Variants in TIAM1 observed in about 807,000 individuals in gnomAD.
The protein encoded by TIAM1 is rho guanine nucleotide exchange factor TIAM1.
TIAM1 carries 65 observed loss-of-function variants against 163.5 expected under a neutral mutation model. That is an observed-to-expected ratio of 0.40 (90% confidence interval 0.33 to 0.49). TIAM1 has a LOEUF of 0.49. TIAM1 is among the 20% of genes least tolerant of loss of function. The pLI, the probability that TIAM1 is intolerant of heterozygous loss-of-function variation, is 0.77. For missense variants in TIAM1, 1,789 were observed against 2,044.7 expected, an observed-to-expected ratio of 0.87 and a Z score of 2.41; for synonymous variants, 833 against 810.1, an observed-to-expected ratio of 1.03 and a Z score of -0.48.
chr21:31,478,438 G>T (rs1602379517), intron 1 of TIAM1, among the ~76,000 whole-genome samples: 1 of 152,108 alleles, frequency 6.6e-6, no homozygotes, highest in Admixed American at 6.6e-5. Context: ...ACTCCCCAGA[G>T]GTAACTGCCA....
At chr21:31,360,141 G>A (rs1300369383) in intron 2 of TIAM1, among the ~76,000 whole-genome samples, 2 of 152,158 alleles carry the variant, frequency 1.3e-5, no homozygotes, top group Non-Finnish European at 2.9e-5. Context: ...TAGGCAGAGA[G>A]CCGACTTCTC....
intron 16 of TIAM1, among the ~76,000 whole-genome samples, chr21:31,156,824 G>A (rs950896463): frequency 1.3e-5 from 2 of 152,116 alleles, no homozygotes; most frequent in Non-Finnish European, 1.5e-5. Context: ...ACTCTCCTTG[G>A]TTGCTTTGAT....
chr21:31,546,039 T>C (rs1320245532), intron 1 of TIAM1, among the ~76,000 whole-genome samples: 4 of 151,192 alleles, frequency 2.6e-5, no homozygotes, highest in African/African-American at 9.8e-5. Context: ...GTTGCTTTTA[T>C]ACAGGAAGAG....
At chr21:31,510,963 C>T (rs1317843566) in intron 1 of TIAM1, among the ~76,000 whole-genome samples, 1 of 152,178 alleles carries the variant, frequency 6.6e-6, no homozygotes, top group East Asian at 1.9e-4. Context: ...CAAAGATACA[C>T]ACAGTGAAGG....
intron 2 of TIAM1, among the ~76,000 whole-genome samples, chr21:31,402,985 T>C (rs2077190855): frequency 6.6e-6 from 1 of 152,080 alleles, no homozygotes; most frequent in Non-Finnish European, 1.5e-5. Context: ...TGTATCTTCC[T>C]GTACGTCTCC....
intron 1 of TIAM1, among the ~76,000 whole-genome samples, chr21:31,499,906 G>A (rs1432813036): frequency 6.0e-5 from 9 of 151,006 alleles, no homozygotes; most frequent in African/African-American, 7.3e-5. Context: ...AGTGGCTCAC[G>A]CCTGTAATCC....
intron 13 of TIAM1, among the ~76,000 whole-genome samples, chr21:31,191,929 T>G (rs960054487): frequency 6.6e-6 from 1 of 152,210 alleles, no homozygotes; most frequent in African/African-American, 2.4e-5. Flanking sequence ...AGTTTATCCT[T>G]ACTCAACAAA....
chr21:31,549,388 A>G (rs1038396905), intron 1 of TIAM1, among the ~76,000 whole-genome samples: 1 of 152,238 alleles, frequency 6.6e-6, no homozygotes, highest in Non-Finnish European at 1.5e-5. Context: ...ATGACAACGC[A>G]CAGAATGGAG....
intron 2 of TIAM1, among the ~76,000 whole-genome samples, chr21:31,316,846 T>C: frequency 6.6e-6 from 1 of 152,120 alleles, no homozygotes; most frequent in East Asian, 1.9e-4. Flanking sequence ...TGGACCACCG[T>C]GGATCGTGAG....
At chr21:31,390,456 T>C (rs968203475) in intron 2 of TIAM1, among the ~76,000 whole-genome samples, 4 of 152,202 alleles carry the variant, frequency 2.6e-5, no homozygotes, top group Non-Finnish European at 4.4e-5. Flanking sequence ...TTTTCCTATG[T>C]ATTGAAATTA....
At chr21:31,226,921 T>C (rs2088012358) in intron 6 of TIAM1, among the ~76,000 whole-genome samples, 1 of 151,738 alleles carries the variant, frequency 6.6e-6, no homozygotes, top group Non-Finnish European at 1.5e-5. Context: ...TTCTAACTAA[T>C]TTGAGTGATG....
chr21:31,246,070 T>C (rs1242213009), intron 5 of TIAM1, among the ~76,000 whole-genome samples: 3 of 152,202 alleles, frequency 2.0e-5, no homozygotes, highest in Non-Finnish European at 4.4e-5. Flanking sequence ...CATTCAAATA[T>C]GTCTCGTATG....
chr21:31,338,134 C>A (rs1469465350), intron 2 of TIAM1, among the ~76,000 whole-genome samples: 1 of 152,142 alleles, frequency 6.6e-6, no homozygotes, highest in Non-Finnish European at 1.5e-5. Context: ...TGTGTACATG[C>A]GGAGAAAGGA....
At chr21:31,221,017 A>ACCT (rs2087526281) in intron 8 of TIAM1, among the ~76,000 whole-genome samples, 1 of 151,650 alleles carries the variant, frequency 6.6e-6, no homozygotes, top group African/African-American at 2.4e-5. Context: ...TTACCCTCAC[A>ACCT]CCTCCTCCTT....
intron 1 of TIAM1, among the ~76,000 whole-genome samples, chr21:31,531,947 T>C (rs888681886): frequency 6.6e-6 from 1 of 151,864 alleles, no homozygotes; most frequent in African/African-American, 2.4e-5. Flanking sequence ...GGGAACCCCA[T>C]CTCTATGAAA....
At chr21:31,435,997 G>A (rs1172012546) in intron 2 of TIAM1, among the ~76,000 whole-genome samples, 1 of 152,134 alleles carries the variant, frequency 6.6e-6, no homozygotes, top group Non-Finnish European at 1.5e-5. Context: ...TATAAATTAT[G>A]CAGTCTGTGG....
intron 2 of TIAM1, among the ~76,000 whole-genome samples, chr21:31,361,005 C>T (rs1231483215): frequency 3.3e-5 from 5 of 152,098 alleles, no homozygotes; most frequent in Non-Finnish European, 7.4e-5. Flanking sequence ...TCAGCAATTT[C>T]AATTCTAGAA....
chr21:31,357,147 G>T (rs1182309368), intron 2 of TIAM1, among the ~76,000 whole-genome samples: 1 of 152,146 alleles, frequency 6.6e-6, no homozygotes, highest in Non-Finnish European at 1.5e-5. Flanking sequence ...ACTGTGGCTA[G>T]AGAAAACAGA....
intron 6 of TIAM1, among the ~76,000 whole-genome samples, chr21:31,237,119 C>A (rs928068829): frequency 1.3e-5 from 2 of 152,186 alleles, no homozygotes; most frequent in Admixed American, 1.3e-4. Flanking sequence ...GCTGGGAGAT[C>A]TCCAGGAATG....
Sources: allele counts gnomAD v4.1 joint callset (sites outside exome capture counted in the v4.1 genomes callset), GRCh38; gene constraint gnomAD v4.1.1; transcripts MANE v1.5; gene names NCBI Gene and HGNC (gene_info 2026-07-23, HGNC 2026-07-21).